Variants in RASEF observed in about 807,000 individuals in gnomAD.
RASEF encodes the protein ras and EF-hand domain-containing protein.
Under a neutral mutation model 90.1 loss-of-function variants are expected in RASEF, and 68 were observed. The observed-to-expected ratio is 0.75, with a 90% CI of 0.62 to 0.92. The LOEUF (loss-of-function observed/expected upper bound fraction) is 0.92. RASEF is among the 40% of genes least tolerant of loss of function. The pLI is 0.00. For synonymous variants in RASEF, 331 were observed against 345.2 expected (o/e 0.96, Z 0.46); for missense variants, 949 against 937.2 (o/e 1.01, Z -0.16).
intron 1 of RASEF, among the ~76,000 whole-genome samples, chr9:83,035,343 A>G (rs1474424990): frequency 6.6e-6 from 1 of 152,200 alleles, no homozygotes; most frequent in Non-Finnish European, 1.5e-5. Context: ...TAACAGGCAG[A>G]GGGATAGATG....
rs754481862 is a variant in RASEF at position 83,062,631 on chromosome 9, C to A, written c.237G>T (p.Arg79=). The part of the protein sequence containing the change: ...RGFLGSLRGG[R]RRDWGPLDPA... ...GATCCAGAGGACCCCAGTCCCGGCGCCGCCCCCCGCGGAGGGACCCGAGGA... is the reference window on the plus strand; with the variant it reads ...GATCCAGAGGACCCCAGTCCCGGCGACGCCCCCCGCGGAGGGACCCGAGGA... The change falls in exon 1 of 17, where the codon CGG becomes CGT. Residue 79 remains arginine (R), a synonymous_variant. Coordinates refer to ENST00000376447, the MANE Select transcript of RASEF (RefSeq NM_152573.4). 1 of 1,553,092 alleles carries A rather than the reference C, an allele frequency of 6.4e-7. No individual in the cohort carries two copies. The highest frequency in any genetic ancestry group is 2.4e-5 in the East Asian group (1 of 41,832).
chr9:83,110,978 T>C, the RASEF span, among the ~76,000 whole-genome samples: 1 of 152,080 alleles, frequency 6.6e-6, no homozygotes, highest in Non-Finnish European at 1.5e-5. Flanking sequence ...AAGCAAGAAC[T>C]GTGAGAAACA....
At chr9:83,129,128 C>T in the RASEF span, among the ~76,000 whole-genome samples, 1 of 152,186 alleles carries the variant, frequency 6.6e-6, no homozygotes, top group Non-Finnish European at 1.5e-5. Context: ...CCTTTGGGGC[C>T]AAAATGGTTC....
At chr9:83,030,238 T>G (rs181538291) in intron 1 of RASEF, among the ~76,000 whole-genome samples, 13 of 151,824 alleles carry the variant, frequency 8.6e-5, no homozygotes, top group African/African-American at 2.4e-4. Context: ...GCGCCTGTAG[T>G]CCCAGCTACT....
chr9:83,062,991 G>GGCC lies in RASEF; in HGVS notation c.-127_-125dup. 4 of 1,045,834 alleles carry GGCC rather than the reference G, an allele frequency of 3.8e-6. No individual in the cohort carries two copies. The highest frequency in any genetic ancestry group is 3.8e-6 in the Non-Finnish European group (3 of 779,832). 64.8% of individuals were successfully genotyped at this position (1,045,834 alleles called of 1,614,324 possible). ...CGAGTTTGGCTCGTCCGGCTGGTTC[G>GGCC]GCCACTTGAGGGAACGTCGGGCGGG... On this transcript the variant is annotated 5_prime_UTR_variant, in exon 1 of 17. Transcript: ENST00000376447.
At chr9:83,048,297 A>C in intron 1 of RASEF, 1 of 985,336 alleles carries the variant, frequency 1.0e-6, no homozygotes, top group Non-Finnish European at 1.2e-6. Context: ...TGAAGGCGTC[A>C]CTTCTCTGTG....
chr9:83,114,675 C>T, the RASEF span, among the ~76,000 whole-genome samples: 12 of 152,214 alleles, frequency 7.9e-5, no homozygotes, highest in South Asian at 8.3e-4. Context: ...ATGGTCACAG[C>T]GGTGGGATGA....
the RASEF span, among the ~76,000 whole-genome samples, chr9:83,158,576 A>C: frequency 6.7e-6 from 1 of 148,420 alleles, no homozygotes; most frequent in Non-Finnish European, 1.5e-5. Context: ...ATATGTATAT[A>C]TGTTTATATG....
At chr9:83,194,245 T>G in the RASEF span, among the ~76,000 whole-genome samples, 4 of 152,244 alleles carry the variant, frequency 2.6e-5, no homozygotes, top group Non-Finnish European at 5.9e-5. Flanking sequence ...CTTCATGTCT[T>G]CTTAGGCTCC....
rs150560579 is a variant in RASEF at position 82,993,036 on chromosome 9, G to GA, written c.1921-12dup. 7,132 of 1,347,640 alleles carry GA rather than the reference G, an allele frequency of 5.3e-3. No homozygotes were observed. The highest frequency in any genetic ancestry group is 9.5e-3 in the Admixed American group (441 of 46,544). 83.5% of individuals were successfully genotyped at this position (1,347,640 alleles called of 1,614,324 possible). A position where few individuals can be genotyped will look rare whatever the true frequency, so the allele number is the denominator to read the frequency against. On this transcript the variant is annotated splice_polypyrimidine_tract_variant and intron_variant, in intron 14 of 16. Transcript: ENST00000376447. ...CTCATGGGCTGCATCCTACCAGGAA[G>GA]AAAAAAAAAATGGGGCACACATCAA...
At position 83,062,822 on chromosome 9, in the gene RASEF, C is replaced by T; in HGVS notation, c.46G>A (p.Val16Ile). The change falls in exon 1 of 17, where the codon GTC becomes ATC. Residue 16 changes from valine to isoleucine, a missense_variant. Transcript: ENST00000376447. ...DGEELARLRS[V>I]FAACDANRSG... ...CGGTTCGCGTCGCAGGCGGCGAAGA[C>T]TGAGCGCAGCCGGGCCAGCTCCTCT... 1 of 1,552,776 alleles carries T rather than the reference C, an allele frequency of 6.4e-7. No individual in the cohort carries two copies. The highest frequency in any genetic ancestry group is 8.6e-7 in the Non-Finnish European group (1 of 1,160,350).
intron 16 of RASEF, among the ~76,000 whole-genome samples, chr9:82,987,234 C>G (rs1828725615): frequency 7.0e-6 from 1 of 142,964 alleles, no homozygotes; most frequent in Non-Finnish European, 1.5e-5. Context: ...AAGTATAAAG[C>G]AATTAAGGTC....
the RASEF span, among the ~76,000 whole-genome samples, chr9:83,069,895 C>T: frequency 6.6e-6 from 1 of 152,184 alleles, no homozygotes; most frequent in Non-Finnish European, 1.5e-5. Context: ...TTGCATTTCT[C>T]TGTTGACTAA....
chr9:83,048,017 G>A (rs1169285936), intron 1 of RASEF: 2 of 630,352 alleles, frequency 3.2e-6, no homozygotes, highest in Non-Finnish European at 4.0e-6. Context: ...CTGCTGTCCA[G>A]AGCTGAAAAG....
At chr9:83,054,588 G>C (rs1482004040) in intron 1 of RASEF, 1 of 149,978 alleles carries the variant, frequency 6.7e-6, no homozygotes, top group Non-Finnish European at 1.5e-5. Flanking sequence ...TTGCTGGTGA[G>C]GAACTGCGTT....
chr9:83,140,954 C>T, the RASEF span, among the ~76,000 whole-genome samples: 1 of 151,828 alleles, frequency 6.6e-6, no homozygotes, highest in Non-Finnish European at 1.5e-5. Context: ...ACCAGCCTTG[C>T]CAACATGGTG....
At chr9:83,203,323 T>C in the RASEF span, among the ~76,000 whole-genome samples, 1 of 152,012 alleles carries the variant, frequency 6.6e-6, no homozygotes, top group Non-Finnish European at 1.5e-5. Flanking sequence ...TCACCCGGGC[T>C]GCAGTGCAGT....
chr9:83,092,236 T>C, the RASEF span, among the ~76,000 whole-genome samples: 1 of 152,070 alleles, frequency 6.6e-6, no homozygotes, highest in Admixed American at 6.6e-5. Context: ...GAACCAATTA[T>C]GTCCCTCCAA....
At chr9:83,023,352 C>A (rs530863883) in intron 2 of RASEF, among the ~76,000 whole-genome samples, 35 of 152,260 alleles carry the variant, frequency 2.3e-4, no homozygotes, top group African/African-American at 8.4e-4. Context: ...AAACCATGAG[C>A]TTTAGAGGTG....
Sources: allele counts gnomAD v4.1 joint callset (sites outside exome capture counted in the v4.1 genomes callset), GRCh38; gene constraint gnomAD v4.1.1; transcripts MANE v1.5; gene names NCBI Gene and HGNC (gene_info 2026-07-23, HGNC 2026-07-21).